SCN1A: variants seen among roughly 807,000 people sequenced by gnomAD.
SCN1A encodes the protein sodium channel protein type 1 subunit alpha.
A neutral mutation model predicts 193.7 loss-of-function variants in SCN1A; 13 were observed. The ratio of observed to expected loss-of-function variants is 0.07; its 90% confidence interval spans 0.04 to 0.11. The LOEUF (loss-of-function observed/expected upper bound fraction) is 0.11, where lower values mean the gene tolerates loss of function less well. Ranked by LOEUF, SCN1A falls within the 10% of genes least tolerant of loss-of-function variation. SCN1A has a pLI of 1.00. For missense variants in SCN1A, 1,432 were observed against 2,451.1 expected, an observed-to-expected ratio of 0.58 and a Z score of 8.78; for synonymous variants, 781 against 843.6, an observed-to-expected ratio of 0.93 and a Z score of 1.29.
chr2:166,118,737 T>G (rs1690195178), intron 2 of SCN1A, among the ~76,000 whole-genome samples: 1 of 152,224 alleles, frequency 6.6e-6, no homozygotes, highest in African/African-American at 2.4e-5. Flanking sequence ...TCAAATCCAC[T>G]GAATTTCTTA....
intron 2 of SCN1A, among the ~76,000 whole-genome samples, chr2:166,122,695 C>A (rs1182198198): frequency 1.3e-5 from 2 of 151,966 alleles, no homozygotes; most frequent in African/African-American, 4.8e-5. Flanking sequence ...TAATGCTGAA[C>A]CCCTACCTCA....
At chr2:166,024,140 G>T (rs1275820876) in intron 19 of SCN1A, among the ~76,000 whole-genome samples, 2 of 151,944 alleles carry the variant, frequency 1.3e-5, no homozygotes, top group African/African-American at 4.8e-5. Context: ...GTGGGAGGAC[G>T]GCTTGAGCCC....
At chr2:166,119,606 G>C (rs1690306775) in intron 2 of SCN1A, among the ~76,000 whole-genome samples, 1 of 151,974 alleles carries the variant, frequency 6.6e-6, no homozygotes, top group African/African-American at 2.4e-5. Flanking sequence ...AGAAAACTTA[G>C]GTTACCAAGT....
intron 1 of SCN1A, among the ~76,000 whole-genome samples, chr2:166,147,081 C>A (rs1028774087): frequency 3.4e-5 from 2 of 58,230 alleles, no homozygotes; most frequent in Admixed American, 3.9e-4. Flanking sequence ...TTGCCAGGAC[C>A]CATCCCTAGA....
chr2:166,112,797 C>A lies in SCN1A; in HGVS notation c.-142+14127G>T, dbSNP rs549534634. On this transcript the variant is annotated intron_variant, in intron 2 of 28. Transcript: ENST00000674923. ...GGCTAGTCACTAGAAAGACCTGCAT[C>A]TGCAAGGGATGGGCTAGGGGTTGAA... 1.2e-4 allele frequency among the ~76,000 whole-genome samples: 19 copies of A among 152,236 alleles called. 1 individual carries two copies. The highest frequency in any genetic ancestry group is 1.2e-3 in the Admixed American group (19 of 15,270).
chr2:166,081,767 C>T (rs1353029218), intron 2 of SCN1A: 2 of 151,894 alleles, frequency 1.3e-5, no homozygotes, highest in African/African-American at 4.8e-5. Context: ...CCTCACTCCC[C>T]CGTCTCTCCC....
chr2:166,058,653 G>A lies in SCN1A; in HGVS notation c.300C>T (p.Phe100=). 1 of 1,611,184 alleles carries A rather than the reference G, an allele frequency of 6.2e-7. No homozygotes were observed. Among genetic ancestry groups the A allele is most frequent in the South Asian group, 1.1e-5 (1 of 91,032 alleles). The part of the protein sequence containing the change: ...FIVLNKGKAI[F]RFSATSALYI... Reference sequence around the variant, plus strand: ...ACAGGGCAGAGGTGGCACTGAACCGGAAGATGGCCTTCCCTTTATTCAATA... The same window carrying A: ...ACAGGGCAGAGGTGGCACTGAACCGAAAGATGGCCTTCCCTTTATTCAATA... The change falls in exon 5 of 29, where the codon TTC becomes TTT. Residue 100 remains phenylalanine, a synonymous_variant. Transcript: ENST00000674923.
At chr2:166,096,786 T>G (rs1687432586) in intron 2 of SCN1A, among the ~76,000 whole-genome samples, 1 of 152,204 alleles carries the variant, frequency 6.6e-6, no homozygotes, top group East Asian at 1.9e-4. Flanking sequence ...CTATTAATTT[T>G]AATATATGTG....
chr2:166,123,282 A>G (rs931592824), intron 2 of SCN1A, among the ~76,000 whole-genome samples: 4 of 146,954 alleles, frequency 2.7e-5, no homozygotes, highest in African/African-American at 1.0e-4. Context: ...AAATCCCTCC[A>G]AGCAGCTCCT....
intron 9 of SCN1A, among the ~76,000 whole-genome samples, chr2:166,051,440 G>T (rs1239302768): frequency 6.6e-6 from 1 of 151,870 alleles, no homozygotes; most frequent in Non-Finnish European, 1.5e-5. Context: ...TAGATGGAAG[G>T]CACATTAGCA....
chr2:166,037,107 C>A (rs1431771613), intron 18 of SCN1A, among the ~76,000 whole-genome samples: 1 of 152,020 alleles, frequency 6.6e-6, no homozygotes. Context: ...AATGTACATA[C>A]CTTTAGAATA....
At position 166,012,295 on chromosome 2, in the gene SCN1A, T is replaced by C. The variant is rs1204481031; in HGVS notation, c.3706-13A>G. The C allele has an allele frequency of 1.3e-6, 2 of 1,590,544 alleles. No individual in the cohort carries two copies. Among genetic ancestry groups the C allele is most frequent in the Admixed American group, 3.4e-5 (2 of 58,978 alleles). On this transcript the variant is annotated splice_polypyrimidine_tract_variant and intron_variant, in intron 21 of 28. Transcript: ENST00000674923. ...TATCTTCAAATGCCTATAAAGAAAA[T>C]GTTACACATTATTAGCTTTCAAAAA...
chr2:166,013,442 T>C (rs563549805), intron 21 of SCN1A, among the ~76,000 whole-genome samples: 30 of 151,666 alleles, frequency 2.0e-4, no homozygotes, highest in Admixed American at 1.2e-3. Context: ...TTTTTTTAAT[T>C]AAACAATGAG....
chr2:166,028,229 A>T (rs2105739915), intron 19 of SCN1A, among the ~76,000 whole-genome samples: 1 of 152,342 alleles, frequency 6.6e-6, no homozygotes, highest in Middle Eastern at 3.4e-3. Context: ...TTGAGTCAAT[A>T]GAAAATCATG....
At chr2:166,068,437 T>G (rs1321694998) in intron 4 of SCN1A, among the ~76,000 whole-genome samples, 1 of 152,160 alleles carries the variant, frequency 6.6e-6, no homozygotes, top group Non-Finnish European at 1.5e-5. Flanking sequence ...GGGTCCTGGA[T>G]GTAAGGGAGA....
At chr2:166,093,585 C>T (rs1012614979) in intron 2 of SCN1A, among the ~76,000 whole-genome samples, 5 of 152,100 alleles carry the variant, frequency 3.3e-5, no homozygotes, top group Non-Finnish European at 7.3e-5. Context: ...CCTCACGATC[C>T]ACCCGCCTCG....
intron 4 of SCN1A, among the ~76,000 whole-genome samples, chr2:166,072,175 A>T (rs1237541025): frequency 6.6e-6 from 1 of 152,180 alleles, no homozygotes. Flanking sequence ...CAACAAAAAA[A>T]TTTACTTAAT....
intron 19 of SCN1A, chr2:166,027,231 TA>T: frequency 6.6e-6 from 1 of 152,308 alleles, no homozygotes; most frequent in South Asian, 2.1e-4. Context: ...ACCCTGATGG[TA>T]AGAGCAGTTT....
rs569592488 is a variant in SCN1A at position 166,041,614 on chromosome 2, C to G, written c.2177-145G>C. The stretch of plus-strand genomic sequence containing the variant: ...TTTTTTGTACTTGTTAAAAAAATTA[C>G]AGTTTACTCTAAACCTCCCAAGGAT... On this transcript the variant is annotated intron_variant, in intron 15 of 28. Transcript: ENST00000674923. 11 of 656,222 alleles carry G rather than the reference C, an allele frequency of 1.7e-5. No individual in the cohort carries two copies. In the Middle Eastern group the frequency reaches 1.7e-3, roughly 100 times the overall value. 40.6% of individuals were successfully genotyped at this position (656,222 alleles called of 1,614,324 possible).
Sources: allele counts gnomAD v4.1 joint callset (sites outside exome capture counted in the v4.1 genomes callset), GRCh38; gene constraint gnomAD v4.1.1; transcripts MANE v1.5; gene names NCBI Gene and HGNC (gene_info 2026-07-23, HGNC 2026-07-21).